The following CSMD1 variants were observed in gnomAD, a reference collection of about 807,000 sequenced individuals.
CSMD1 encodes the protein CUB and sushi domain-containing protein 1.
Under a neutral mutation model 417.5 loss-of-function variants are expected in CSMD1, and 213 were observed. The observed-to-expected ratio is 0.51, with a 90% confidence interval of 0.46 to 0.57. The LOEUF is 0.57. Ranked by LOEUF, CSMD1 falls within the 20% of genes least tolerant of loss-of-function variation. The probability of loss-of-function intolerance (pLI) is 0.00; values close to 1 mark genes in which losing one functional copy is unlikely to be tolerated. For missense variants in CSMD1, 6,923 were observed against 4,529.7 expected (o/e 1.53, Z -15.17); for synonymous variants, 2,862 against 1,736.8 (o/e 1.65, Z -16.11).
intron 1 of CSMD1, among the ~76,000 whole-genome samples, chr8:4,900,992 T>A (rs1277071068): frequency 6.6e-6 from 1 of 152,232 alleles, no homozygotes; most frequent in Non-Finnish European, 1.5e-5. Context: ...GAATTAATGA[T>A]TCACCATACT....
intron 25 of CSMD1, among the ~76,000 whole-genome samples, chr8:3,307,071 C>A (rs1503277): frequency 0.47 from 71,146 of 151,998 alleles, 17,435 homozygotes; most frequent in Middle Eastern, 0.54. Context: ...TCCCTGCACA[C>A]AAGTCTTTTT....
chr8:4,031,603 C>T (rs960093060), intron 4 of CSMD1, among the ~76,000 whole-genome samples: 2 of 152,122 alleles, frequency 1.3e-5, no homozygotes, highest in South Asian at 2.1e-4. Flanking sequence ...CATAAACTTG[C>T]TATTGACTTT....
chr8:3,865,309 C>A (rs530204474), intron 5 of CSMD1, among the ~76,000 whole-genome samples: 1 of 152,144 alleles, frequency 6.6e-6, no homozygotes, highest in Non-Finnish European at 1.5e-5. Context: ...ATGTGACATA[C>A]GCACTCAATT....
chr8:3,660,817 G>A (rs956731940), intron 7 of CSMD1, among the ~76,000 whole-genome samples: 1 of 152,074 alleles, frequency 6.6e-6, no homozygotes, highest in African/African-American at 2.4e-5. Flanking sequence ...CACCCCGCCC[G>A]ACTGACTTTT....
intron 3 of CSMD1, among the ~76,000 whole-genome samples, chr8:4,417,286 T>C (rs1344778009): frequency 6.6e-6 from 1 of 152,076 alleles, no homozygotes; most frequent in Non-Finnish European, 1.5e-5. Flanking sequence ...ATTCTCATTA[T>C]GTAGCTTAAT....
chr8:3,679,475 G>C (rs893322915), intron 7 of CSMD1, among the ~76,000 whole-genome samples: 1 of 152,180 alleles, frequency 6.6e-6, no homozygotes, highest in Non-Finnish European at 1.5e-5. Flanking sequence ...AATTCAACAA[G>C]AAGAGCTAAC....
chr8:4,106,754 C>T (rs1239823929), intron 3 of CSMD1, among the ~76,000 whole-genome samples: 1 of 152,142 alleles, frequency 6.6e-6, no homozygotes, highest in Admixed American at 6.5e-5. Context: ...ACAGACCCCG[C>T]ACAGCTAGTG....
intron 4 of CSMD1, among the ~76,000 whole-genome samples, chr8:4,021,497 C>G (rs540072274): frequency 1.3e-5 from 2 of 152,116 alleles, no homozygotes; most frequent in African/African-American, 4.8e-5. Context: ...CCGCTACATC[C>G]CCAGCATCGT....
chr8:4,026,988 A>C (rs1324785685), intron 4 of CSMD1, among the ~76,000 whole-genome samples: 1 of 152,232 alleles, frequency 6.6e-6, no homozygotes, highest in African/African-American at 2.4e-5. Context: ...CTTATGCTGT[A>C]GTCCCACTAT....
intron 37 of CSMD1, among the ~76,000 whole-genome samples, chr8:3,173,931 T>C (rs1820741978): frequency 6.6e-6 from 1 of 152,220 alleles, no homozygotes; most frequent in Non-Finnish European, 1.5e-5. Context: ...GCCAAAAATG[T>C]TGAGTATGTT....
intron 5 of CSMD1, among the ~76,000 whole-genome samples, chr8:3,965,932 A>C (rs939805641): frequency 1.3e-5 from 2 of 152,182 alleles, no homozygotes; most frequent in African/African-American, 4.8e-5. Context: ...TTATGATTTT[A>C]TAAGAAATAA....
intron 1 of CSMD1, among the ~76,000 whole-genome samples, chr8:4,965,347 G>C (rs1040721340): frequency 6.6e-6 from 1 of 152,172 alleles, no homozygotes; most frequent in Non-Finnish European, 1.5e-5. Context: ...AGTCAAACCT[G>C]TTTATTTAAA....
chr8:3,522,019 C>A (rs1797530228), intron 10 of CSMD1, among the ~76,000 whole-genome samples: 1 of 152,178 alleles, frequency 6.6e-6, no homozygotes, highest in Non-Finnish European at 1.5e-5. Context: ...TATCTTTCAT[C>A]TCAATTACAT....
intron 2 of CSMD1, among the ~76,000 whole-genome samples, chr8:4,444,346 C>CA (rs112028005): frequency 0.033 from 1,506 of 46,242 alleles, 441 homozygotes; most frequent in Middle Eastern, 0.065. Flanking sequence ...GACTCCATCT[C>CA]AAAAAAAAAA....
intron 1 of CSMD1, among the ~76,000 whole-genome samples, chr8:4,687,176 C>T (rs887488616): frequency 1.4e-4 from 21 of 152,154 alleles, no homozygotes; most frequent in Admixed American, 3.9e-4. Flanking sequence ...AGGCAGGGGT[C>T]TTAGTGTGAG....
chr8:3,988,087 T>C (rs1402830839), intron 5 of CSMD1, among the ~76,000 whole-genome samples: 2 of 152,194 alleles, frequency 1.3e-5, no homozygotes, highest in African/African-American at 2.4e-5. Flanking sequence ...GCTGTTGAAA[T>C]ATTGTGATTT....
chr8:4,468,409 G>A (rs577096315), intron 2 of CSMD1, among the ~76,000 whole-genome samples: 37 of 152,298 alleles, frequency 2.4e-4, no homozygotes, highest in African/African-American at 8.7e-4. Flanking sequence ...CTTTAGCAGG[G>A]TAGACAACAC....
At chr8:4,660,384 G>A (rs924118054) in intron 1 of CSMD1, among the ~76,000 whole-genome samples, 2 of 151,960 alleles carry the variant, frequency 1.3e-5, no homozygotes, top group Non-Finnish European at 2.9e-5. Context: ...CAGAAAACAC[G>A]AAAGTAATGA....
intron 1 of CSMD1, among the ~76,000 whole-genome samples, chr8:4,717,417 A>T (rs904337046): frequency 4.7e-5 from 7 of 150,366 alleles, no homozygotes; most frequent in Admixed American, 1.3e-4. Context: ...ATACACACAC[A>T]CTATATATAT....
Sources: allele counts gnomAD v4.1 joint callset (sites outside exome capture counted in the v4.1 genomes callset), GRCh38; gene constraint gnomAD v4.1.1; transcripts MANE v1.5; gene names NCBI Gene and HGNC (gene_info 2026-07-23, HGNC 2026-07-21).